Variants in FAM234B observed in about 807,000 individuals in gnomAD.
The protein encoded by FAM234B is family with sequence similarity 234 member B, also known as protein FAM234B.
A neutral mutation model predicts 69.3 loss-of-function variants in FAM234B; 33 were observed. The ratio of observed to expected loss-of-function variants is 0.48; its 90% CI spans 0.36 to 0.64. The LOEUF (loss-of-function observed/expected upper bound fraction) is 0.64. Ranked by LOEUF, FAM234B falls within the 30% of genes least tolerant of loss-of-function variation. The pLI is 0.00. For synonymous variants in FAM234B, 306 were observed against 306.9 expected, an observed-to-expected ratio of 1.00 and a Z score of 0.03; for missense variants, 697 against 769.7, an observed-to-expected ratio of 0.91 and a Z score of 1.12.
At chr12:13,073,762 G>A (rs1865132352) in intron 10 of FAM234B, among the ~76,000 whole-genome samples, 1 of 152,198 alleles carries the variant, frequency 6.6e-6, no homozygotes, top group South Asian at 2.1e-4. Context: ...CAATTGAGGT[G>A]TCTTCAGTGG....
At position 13,055,624 on chromosome 12, in the gene FAM234B, G is replaced by A; in HGVS notation, c.111G>A (p.Leu37=). Residue 37 remains leucine (L), a synonymous_variant, in exon 2 of 13, where the codon CTG becomes CTA. Coordinates refer to ENST00000197268, the MANE Select transcript of FAM234B (RefSeq NM_020853.2). ...ACAGTGATGAGAGCGAAGACGATCT[G>A]GTGCTTAACCTGCAGAAGAATGGAG... ...QADSDESEDD[L]VLNLQKNGGV... 2 of 1,614,168 alleles carry A rather than the reference G, an allele frequency of 1.2e-6. No homozygotes were observed. Among genetic ancestry groups the A allele is most frequent in the African/African-American group, 2.7e-5 (2 of 75,046 alleles).
Position 13,080,852 on chromosome 12 carries a change from C to G in FAM234B, c.*222C>G. The G allele has an allele frequency of 2.0e-6, 1 of 494,666 alleles. No individual in the cohort carries two copies. The highest frequency in any genetic ancestry group is 3.6e-6 in the Non-Finnish European group (1 of 281,440). 30.6% of individuals were successfully genotyped at this position (494,666 alleles called of 1,614,324 possible). ...TACCTTTTCAGTCCCTGCATTAATC[C>G]CCTCTAGGAACTCTGCGTGGATCGT... On this transcript the variant is annotated 3_prime_UTR_variant, in exon 13 of 13. Transcript: ENST00000197268.
At chr12:13,049,110 T>C (rs1864845112) in intron 1 of FAM234B, among the ~76,000 whole-genome samples, 1 of 152,214 alleles carries the variant, frequency 6.6e-6, no homozygotes, top group African/African-American at 2.4e-5. Flanking sequence ...CTTCCAAGCC[T>C]CAGCTTCCTC....
intron 9 of FAM234B, among the ~76,000 whole-genome samples, chr12:13,070,644 A>G (rs1472356462): frequency 6.6e-6 from 1 of 152,182 alleles, no homozygotes; most frequent in Non-Finnish European, 1.5e-5. Flanking sequence ...TTATCCTTTG[A>G]CAAATGCAGC....
chr12:13,068,020 G>A (rs116537821), intron 7 of FAM234B, among the ~76,000 whole-genome samples: 1 of 152,190 alleles, frequency 6.6e-6, no homozygotes, highest in Non-Finnish European at 1.5e-5. Context: ...CCTTGGCTCT[G>A]TTGCCTTTCC....
At chr12:13,059,205 T>G (rs1000860386) in intron 3 of FAM234B, among the ~76,000 whole-genome samples, 1 of 152,218 alleles carries the variant, frequency 6.6e-6, no homozygotes, top group African/African-American at 2.4e-5. Flanking sequence ...CACTGCAGAA[T>G]GGCTGCTACA....
chr12:13,077,394 A>G (rs1265942502), intron 11 of FAM234B, among the ~76,000 whole-genome samples: 5 of 148,538 alleles, frequency 3.4e-5, no homozygotes, highest in African/African-American at 1.0e-4. Flanking sequence ...AGCATTAGGT[A>G]TATCTCCTAA....
intron 10 of FAM234B, among the ~76,000 whole-genome samples, chr12:13,074,386 A>G (rs1865139676): frequency 6.6e-6 from 1 of 152,208 alleles, no homozygotes; most frequent in South Asian, 2.1e-4. Flanking sequence ...GGGAGATGTT[A>G]ATTTTGCCTA....
In FAM234B at chr12:13,078,641, C is replaced by T. The variant is rs191257134; in HGVS notation, c.1643-1148C>T. On this transcript the variant is annotated intron_variant, in intron 11 of 12. Coordinates refer to ENST00000197268, the MANE Select transcript of FAM234B (RefSeq NM_020853.2). ...ACATGATTGCATATCTAGAAAACCCCATTGTCTCAGCCCAAAATCTCCTTA... is the reference window on the plus strand; with the variant it reads ...ACATGATTGCATATCTAGAAAACCCTATTGTCTCAGCCCAAAATCTCCTTA... Among the ~76,000 whole-genome samples the T allele has an allele frequency of 1.4e-3, 207 of 152,296 alleles. 2 individuals are homozygous for T. The highest frequency in any genetic ancestry group is 0.011 in the Admixed American group (164 of 15,288).
chr12:13,068,489 C>T (rs1456911509), intron 8 of FAM234B, 42 bp downstream of exon 8: 4 of 1,606,520 alleles, frequency 2.5e-6, no homozygotes, highest in Non-Finnish European at 8.5e-7. Context: ...TTTTGATCCA[C>T]TTTCCCATGT....
rs145573782 is a variant in FAM234B at position 13,066,712 on chromosome 12, G to T, written c.925G>T (p.Val309Phe). The T allele has an allele frequency of 3.8e-5, 62 of 1,613,964 alleles. No individual in the cohort carries two copies. The East Asian group carries it at 1.3e-3, about 34-fold the overall frequency. ...GGGTCGACCTGTGAAGTACAACATC[G>T]TTGGAGTTGGGAATCTGATTGGTCC... ...PVGRPVKYNI[V>F]GVGNLIGPQV... The change falls in exon 6 of 13, where the codon GTT becomes TTT. Residue 309 changes from valine (V) to phenylalanine (F), a missense_variant. Val to Phe is a conservative substitution (Grantham distance 50). Coordinates refer to ENST00000197268, the MANE Select transcript of FAM234B (RefSeq NM_020853.2).
chr12:13,048,596 A>G (rs1310934017), intron 1 of FAM234B, among the ~76,000 whole-genome samples: 1 of 150,228 alleles, frequency 6.7e-6, no homozygotes, highest in East Asian at 2.0e-4. Context: ...GTCAGTATCT[A>G]TCACGTTGTT....
chr12:13,058,440 G>A lies in FAM234B; in HGVS notation c.434-11G>A, dbSNP rs765349875. On this transcript the variant is annotated splice_polypyrimidine_tract_variant and intron_variant, in intron 2 of 12. Coordinates refer to ENST00000197268, the MANE Select transcript of FAM234B (RefSeq NM_020853.2). The stretch of plus-strand genomic sequence containing the variant: ...GCTCAGGACCTTTTTGGTTTTTTAT[G>A]TGTATAACAGGTGGGGACCTGTCTC... The A allele has an allele frequency of 2.5e-6, 4 of 1,612,648 alleles. No individual in the cohort carries two copies. Among genetic ancestry groups the A allele is most frequent in the East Asian group, 2.2e-5 (1 of 44,868 alleles).
At chr12:13,076,272 C>T (rs1191914031) in intron 11 of FAM234B, 129 bp downstream of exon 11, 5 of 703,730 alleles carry the variant, frequency 7.1e-6, no homozygotes, top group African/African-American at 3.5e-5. Context: ...AGGGCACTTT[C>T]CCTGGTGTCC....
At chr12:13,046,452 T>G (rs1418244423) in intron 1 of FAM234B, among the ~76,000 whole-genome samples, 3 of 151,858 alleles carry the variant, frequency 2.0e-5, no homozygotes, top group Admixed American at 1.3e-4. Context: ...CTTTGTTTGT[T>G]TTTTTGTTTG....
chr12:13,058,419 A>G, intron 2 of FAM234B, 32 bp from the exon 3 acceptor site: 1 of 1,581,968 alleles, frequency 6.3e-7, no homozygotes, highest in South Asian at 1.1e-5. Flanking sequence ...TAACTTGCTC[A>G]GGACCTTTTT....
chr12:13,068,558 AG>A (rs1352277818), intron 8 of FAM234B, 71 bp from the exon 9 acceptor site: 1 of 1,578,818 alleles, frequency 6.3e-7, no homozygotes, highest in African/African-American at 1.4e-5. Context: ...GTGCAAGAGA[AG>A]GGAGGGAGAG....
chr12:13,054,475 T>C (rs1738899027), intron 1 of FAM234B, among the ~76,000 whole-genome samples: 1 of 152,204 alleles, frequency 6.6e-6, no homozygotes, highest in Admixed American at 6.5e-5. Context: ...AACTGAGATA[T>C]AATGTATGAA....
At chr12:13,069,066 G>A (rs1356439637) in intron 9 of FAM234B, among the ~76,000 whole-genome samples, 1 of 152,096 alleles carries the variant, frequency 6.6e-6, no homozygotes, top group Admixed American at 6.5e-5. Context: ...AGAAGTCTGT[G>A]GTGACTGGGG....
Sources: gnomAD v4.1 joint callset for allele counts (sites outside exome capture counted in the v4.1 genomes callset) on GRCh38, gnomAD v4.1.1 for gene constraint, MANE v1.5 for transcripts, NCBI Gene and HGNC (gene_info 2026-07-23, HGNC 2026-07-21) for gene names.